C3orf33: variants seen among roughly 807,000 people sequenced by gnomAD.
C3orf33 encodes the protein mitochondrial inner membrane subdomain organizer 1.
C3orf33 carries 23 observed loss-of-function variants against 28.7 expected under a neutral mutation model. That is an observed-to-expected ratio of 0.80 (90% CI 0.58 to 1.13). The LOEUF (loss-of-function observed/expected upper bound fraction) is 1.13. Among genes scored for constraint, C3orf33 ranks in the 50% most tolerant of loss-of-function variants. C3orf33 has a pLI of 0.00. For synonymous variants in C3orf33, 119 were observed against 120.5 expected, an observed-to-expected ratio of 0.99 and a Z score of 0.08; for missense variants, 327 against 353.4, an observed-to-expected ratio of 0.93 and a Z score of 0.60.
At chr3:155,806,062 G>C (rs1336064691) in intron 1 of C3orf33, 77 bp downstream of exon 1, 7 of 1,024,448 alleles carry the variant, frequency 6.8e-6, no homozygotes, top group Non-Finnish European at 9.2e-6. Flanking sequence ...ATCCACGCCT[G>C]AGGCCTCACG....
At position 155,789,246 on chromosome 3, in the gene C3orf33, G is replaced by A. The variant is rs566404502; in HGVS notation, c.174+13286C>T. Among the ~76,000 whole-genome samples the A allele has an allele frequency of 2.0e-3, 305 of 151,936 alleles. 1 individual carries two copies. The highest frequency in any genetic ancestry group is 3.4e-3 in the Non-Finnish European group (231 of 67,996). Reference sequence around the variant, plus strand: ...TGTAATCCTAGCTACTCAGGAGGCTGAGGCAGGAGAATTGCTTGAATCCAG... The same window carrying A: ...TGTAATCCTAGCTACTCAGGAGGCTAAGGCAGGAGAATTGCTTGAATCCAG... On this transcript the variant is annotated intron_variant, in intron 2 of 4. Transcript: ENST00000340171.
In C3orf33 at chr3:155,797,355, G is replaced by A. The variant is rs141332383; in HGVS notation, c.174+5177C>T. Among the ~76,000 whole-genome samples the A allele has an allele frequency of 2.3e-3, 353 of 152,238 alleles. 2 individuals are homozygous for A. Among genetic ancestry groups the A allele is most frequent in the African/African-American group, 7.8e-3 (325 of 41,552 alleles). On this transcript the variant is annotated intron_variant, in intron 2 of 4. Coordinates refer to ENST00000340171, the MANE Select transcript of C3orf33 (RefSeq NM_001308229.2). The stretch of plus-strand genomic sequence containing the variant: ...AGACCCGCAGCCCTAGTATCACACT[G>A]AATGGGGAAAAACTGAAAGCCTTTC...
chr3:155,765,232 G>A (rs187137784), intron 4 of C3orf33, among the ~76,000 whole-genome samples: 6 of 152,284 alleles, frequency 3.9e-5, no homozygotes, highest in Admixed American at 3.9e-4. Flanking sequence ...TTTGGATACA[G>A]GCTTTTCTTC....
chr3:155,785,108 A>C (rs1217330057), intron 2 of C3orf33, among the ~76,000 whole-genome samples: 1 of 151,946 alleles, frequency 6.6e-6, no homozygotes, highest in Non-Finnish European at 1.5e-5. Flanking sequence ...ACTTTAAATC[A>C]AAAAAAGTTA....
intron 2 of C3orf33, among the ~76,000 whole-genome samples, chr3:155,793,323 A>C (rs1454406260): frequency 3.3e-5 from 5 of 151,846 alleles, no homozygotes; most frequent in Non-Finnish European, 7.4e-5. Context: ...GGACTTCCTC[A>C]ACACCAGACA....
rs1357262240 is a variant in C3orf33 at position 155,802,520 on chromosome 3, T to G, written c.174+12A>C. On this transcript the variant is annotated intron_variant, in intron 2 of 4. Coordinates refer to ENST00000340171, the MANE Select transcript of C3orf33 (RefSeq NM_001308229.2). ...CGGCTTGTTGTAATGTCTTTTTCAT[T>G]TTTTAACTTACCAGTCGAATGCTTC... 6.3e-7 allele frequency: 1 copy of G among 1,599,910 alleles called. No individual in the cohort carries two copies. Among genetic ancestry groups the G allele is most frequent in the Non-Finnish European group, 8.5e-7 (1 of 1,173,176 alleles).
intron 2 of C3orf33, among the ~76,000 whole-genome samples, chr3:155,798,619 T>C (rs920482941): frequency 1.3e-5 from 2 of 151,914 alleles, no homozygotes; most frequent in Admixed American, 6.6e-5. Context: ...AAAAATAAAA[T>C]CAAAATGCAT....
At chr3:155,793,384 A>AG (rs767830249) in intron 2 of C3orf33, among the ~76,000 whole-genome samples, 1 of 144,668 alleles carries the variant, frequency 6.9e-6, no homozygotes, top group Non-Finnish European at 1.5e-5. Context: ...TAAAAAAAAA[A>AG]GAAAGAAAAA....
At chr3:155,773,010 A>G (rs770714081) in intron 3 of C3orf33, among the ~76,000 whole-genome samples, 21 of 152,166 alleles carry the variant, frequency 1.4e-4, no homozygotes, top group Non-Finnish European at 2.6e-4. Flanking sequence ...TACTATGTTG[A>G]GTCATTTGAA....
chr3:155,767,386 A>G, intron 4 of C3orf33, 123 bp downstream of exon 4: 1 of 533,100 alleles, frequency 1.9e-6, no homozygotes, highest in Non-Finnish European at 3.0e-6. Context: ...CACTATCAGT[A>G]GCAGTTTAAA....
chr3:155,800,661 G>A (rs1336646896), intron 2 of C3orf33, among the ~76,000 whole-genome samples: 1 of 102,884 alleles, frequency 9.7e-6, no homozygotes, highest in Non-Finnish European at 2.1e-5. Flanking sequence ...CAGAATGGAT[G>A]TGAGAAAATA....
intron 2 of C3orf33, among the ~76,000 whole-genome samples, chr3:155,776,743 G>A (rs1029108001): frequency 1.7e-4 from 19 of 108,752 alleles, no homozygotes; most frequent in East Asian, 4.6e-4. Flanking sequence ...GTGACAGAGC[G>A]AGAACCTGAC....
chr3:155,793,789 G>A (rs1417972709), intron 2 of C3orf33, among the ~76,000 whole-genome samples: 1 of 104,776 alleles, frequency 9.5e-6, no homozygotes, highest in Non-Finnish European at 1.8e-5. Flanking sequence ...CACCCTGGGA[G>A]ACAGAGTGAG....
At chr3:155,783,346 G>A (rs1240356355) in intron 2 of C3orf33, among the ~76,000 whole-genome samples, 5 of 151,878 alleles carry the variant, frequency 3.3e-5, no homozygotes, top group South Asian at 2.1e-4. Flanking sequence ...GTAGAGACAC[G>A]TTTTCGCCAT....
At chr3:155,799,762 A>T (rs528351851) in intron 2 of C3orf33, among the ~76,000 whole-genome samples, 1 of 152,322 alleles carries the variant, frequency 6.6e-6, no homozygotes, top group East Asian at 1.9e-4. Context: ...TGTTGTTTCC[A>T]ACACCATGGA....
chr3:155,804,502 T>C (rs1751757785), intron 1 of C3orf33, among the ~76,000 whole-genome samples: 1 of 152,238 alleles, frequency 6.6e-6, no homozygotes. Flanking sequence ...CTTTGGACTT[T>C]GTGCTGCTTG....
chr3:155,781,059 G>A (rs886285762), intron 2 of C3orf33, among the ~76,000 whole-genome samples: 11 of 150,986 alleles, frequency 7.3e-5, no homozygotes, highest in South Asian at 2.1e-4. Flanking sequence ...CTGCAGTGGC[G>A]CAATCTCGGC....
intron 2 of C3orf33, among the ~76,000 whole-genome samples, chr3:155,783,131 G>C (rs531465135): frequency 1.4e-3 from 215 of 151,826 alleles, no homozygotes; most frequent in African/African-American, 5.0e-3. Flanking sequence ...AAGCATCTTG[G>C]ATAAGGGATA....
At chr3:155,802,303 T>C (rs145928537) in intron 2 of C3orf33, among the ~76,000 whole-genome samples, 3 of 152,240 alleles carry the variant, frequency 2.0e-5, no homozygotes, top group South Asian at 4.1e-4. Context: ...TTTTTAAGCA[T>C]GAAAAAAAGT....
Sources: gnomAD v4.1 joint callset for allele counts (sites outside exome capture counted in the v4.1 genomes callset) on GRCh38, gnomAD v4.1.1 for gene constraint, MANE v1.5 for transcripts, NCBI Gene and HGNC (gene_info 2026-07-23, HGNC 2026-07-21) for gene names.